The following ZNF326 variants were observed in gnomAD, a reference collection of about 807,000 sequenced individuals.
ZNF326 encodes zinc finger protein 326.
ZNF326 carries 30 observed loss-of-function variants against 63.1 expected under a neutral mutation model. The ratio of observed to expected loss-of-function variants is 0.48; its 90% CI spans 0.36 to 0.64. The LOEUF (loss-of-function observed/expected upper bound fraction) is 0.64, where lower values mean the gene tolerates loss of function less well. Ranked by LOEUF, ZNF326 falls within the 30% of genes least tolerant of loss-of-function variation. The pLI is 0.00. For synonymous variants in ZNF326, 194 were observed against 228.2 expected (o/e 0.85, Z 1.35); for missense variants, 609 against 720.3 (o/e 0.85, Z 1.77).
chr1:90,017,539 ATC>A (rs1649562843), intron 8 of ZNF326, 75 bp downstream of exon 8: 3 of 1,324,704 alleles, frequency 2.3e-6, no homozygotes, highest in Non-Finnish European at 2.1e-6. Context: ...CACTCTCCCC[ATC>A]TCTCACATTT....
intron 6 of ZNF326, 78 bp from the exon 7 acceptor site, chr1:90,013,048 G>A: frequency 5.7e-6 from 7 of 1,237,592 alleles, no homozygotes; most frequent in East Asian, 2.5e-5. Flanking sequence ...TCATAAGTAT[G>A]TACTTTACGA....
At chr1:90,006,326 A>G (rs984224538) in intron 4 of ZNF326, 9 of 977,012 alleles carry the variant, frequency 9.2e-6, no homozygotes, top group Non-Finnish European at 1.1e-5. Flanking sequence ...ATGTTTTAAT[A>G]TGTCAGTTAT....
At chr1:89,996,669 G>A (rs1264725061) in intron 1 of ZNF326, among the ~76,000 whole-genome samples, 3 of 151,846 alleles carry the variant, frequency 2.0e-5, no homozygotes, top group African/African-American at 7.3e-5. Flanking sequence ...AACCCGGGAG[G>A]CGAAGGTTGC....
intron 1 of ZNF326, among the ~76,000 whole-genome samples, chr1:89,997,356 A>G (rs1484287604): frequency 6.6e-6 from 1 of 152,152 alleles, no homozygotes; most frequent in Non-Finnish European, 1.5e-5. Flanking sequence ...ATGCATATGC[A>G]TGTCTCAGAT....
intron 11 of ZNF326, among the ~76,000 whole-genome samples, chr1:90,024,980 G>T (rs201613210): frequency 9.3e-4 from 119 of 128,344 alleles, no homozygotes; most frequent in Middle Eastern, 4.2e-3. Flanking sequence ...TTTTTTTCCT[G>T]TTTTTTTTTT....
Position 89,995,152 on chromosome 1 carries a change from C to G in ZNF326, c.-106C>G. On this transcript the variant is annotated 5_prime_UTR_variant, in exon 1 of 12. Transcript: ENST00000340281. ...CGGCTCCCGGGCTGGTAGCGCGCCG[C>G]TCTCGGTCGCGCGGAGTGATCGTGT... is the stretch of plus-strand genomic sequence containing the variant. 1 of 1,385,342 alleles carries G rather than the reference C, an allele frequency of 7.2e-7. No homozygotes were observed. Among genetic ancestry groups the G allele is most frequent in the Non-Finnish European group, 9.7e-7 (1 of 1,026,290 alleles). The allele number at this position is 1,385,342 out of a possible 1,614,324, so 85.8% of individuals were successfully genotyped here.
chr1:89,997,252 A>G (rs754786490), intron 1 of ZNF326, among the ~76,000 whole-genome samples: 24 of 152,228 alleles, frequency 1.6e-4, no homozygotes, highest in Non-Finnish European at 2.9e-4. Flanking sequence ...AAAGAATTTA[A>G]CAGTTGTTAA....
intron 2 of ZNF326, 94 bp downstream of exon 2, chr1:89,998,248 T>G: frequency 8.6e-7 from 1 of 1,157,420 alleles, no homozygotes; most frequent in Non-Finnish European, 1.3e-6. Context: ...CTTGTTTTGG[T>G]TCTTGATATA....
intron 10 of ZNF326, among the ~76,000 whole-genome samples, 195 bp downstream of exon 10, chr1:90,021,117 A>G (rs1649750298): frequency 6.6e-6 from 1 of 152,020 alleles, no homozygotes; most frequent in South Asian, 2.1e-4. Flanking sequence ...TGAGTTGTTC[A>G]ATCTATAACA....
rs754527426 is a variant in ZNF326 at position 90,018,797 on chromosome 1, AAC to A, written c.1174+15_1174+16del. On this transcript the variant is annotated intron_variant, in intron 9 of 11. Coordinates refer to ENST00000340281, the MANE Select transcript of ZNF326 (RefSeq NM_182976.4). ...GATGTTATGGAAGGTAAGTATTTAA[AAC>A]AAATTATTTTAAAATTCTACATGTA... The A allele has an allele frequency of 6.9e-7, 1 of 1,441,582 alleles. No homozygotes were observed. Among genetic ancestry groups the A allele is most frequent in the Non-Finnish European group, 9.5e-7 (1 of 1,053,250 alleles). 89.3% of individuals were successfully genotyped at this position (1,441,582 alleles called of 1,614,324 possible).
chr1:90,006,081 G>A (rs908382301), intron 4 of ZNF326: 4 of 985,362 alleles, frequency 4.1e-6, no homozygotes, highest in Non-Finnish European at 3.6e-6. Flanking sequence ...TGAAGGATCC[G>A]GATTCCTTAA....
intron 7 of ZNF326, among the ~76,000 whole-genome samples, chr1:90,015,674 T>G (rs1386609049): frequency 6.6e-6 from 1 of 152,030 alleles, no homozygotes; most frequent in Non-Finnish European, 1.5e-5. Flanking sequence ...AGAGCAAGAC[T>G]CTGTCTCAAA....
rs2772322 is a variant in ZNF326, at chr1:90,025,402, T to C, written c.1402-1952T>C. On this transcript the variant is annotated intron_variant, in intron 11 of 11. Transcript: ENST00000340281. The stretch of plus-strand genomic sequence containing the variant: ...TACTCCACCTCCCGGGTTCAAACGA[T>C]TCTCCTGGCTCAGCCTCCTGAGTAG... Among the ~76,000 whole-genome samples the C allele has an allele frequency of 8.8e-3, 1,343 of 152,264 alleles. 16 individuals are homozygous for C. The highest frequency in any genetic ancestry group is 0.031 in the African/African-American group (1,281 of 41,540).
chr1:89,998,541 T>G (rs995791673), intron 2 of ZNF326, among the ~76,000 whole-genome samples: 25 of 152,192 alleles, frequency 1.6e-4, no homozygotes, highest in African/African-American at 6.0e-4. Flanking sequence ...TTGTAATGCA[T>G]TTTGACCTTG....
intron 6 of ZNF326, among the ~76,000 whole-genome samples, chr1:90,012,067 C>G (rs902406404): frequency 1.3e-5 from 2 of 152,118 alleles, no homozygotes; most frequent in African/African-American, 4.8e-5. Context: ...CCCCTGGCCT[C>G]AAGTGATCCA....
At chr1:90,018,006 T>C (rs1649580011) in intron 8 of ZNF326, among the ~76,000 whole-genome samples, 1 of 152,066 alleles carries the variant, frequency 6.6e-6, no homozygotes, top group Non-Finnish European at 1.5e-5. Context: ...AAAAATACAA[T>C]GATCAGGCCG....
intron 1 of ZNF326, among the ~76,000 whole-genome samples, chr1:89,996,485 G>C (rs1384590400): frequency 6.6e-6 from 1 of 152,220 alleles, no homozygotes; most frequent in Non-Finnish European, 1.5e-5. Context: ...CAGTTACTTT[G>C]AAATAGTAAG....
At chr1:90,024,732 C>T (rs370933325) in intron 11 of ZNF326, among the ~76,000 whole-genome samples, 4 of 152,070 alleles carry the variant, frequency 2.6e-5, no homozygotes, top group African/African-American at 4.8e-5. Flanking sequence ...TCTCCCACCT[C>T]GGCCTCTCTA....
Position 90,005,194 on chromosome 1 carries a change from A to G in ZNF326, c.159A>G (p.Leu53=), listed in dbSNP as rs775515627. ...GTCAGAGATCCATGGATTCCTACCT[A>G]AACCAGTCATATGGCATGGACAATC... is the stretch of plus-strand genomic sequence containing the variant. ...YGGQRSMDSY[L]NQSYGMDNHS... Residue 53 remains leucine, a synonymous_variant, in exon 4 of 12, where the codon CTA becomes CTG. Transcript: ENST00000340281. 24 of 1,613,930 alleles carry G rather than the reference A, an allele frequency of 1.5e-5. No homozygotes were observed. Among genetic ancestry groups the G allele is most frequent in the Non-Finnish European group, 2.0e-5 (24 of 1,179,978 alleles).
Sources: allele counts gnomAD v4.1 joint callset (sites outside exome capture counted in the v4.1 genomes callset), GRCh38; gene constraint gnomAD v4.1.1; transcripts MANE v1.5; gene names NCBI Gene and HGNC (gene_info 2026-07-23, HGNC 2026-07-21).